The following ROR1 variants were observed in gnomAD, a reference collection of about 807,000 sequenced individuals.
ROR1 encodes ROR family WNT receptor 1.
Under a neutral mutation model 78.8 loss-of-function variants are expected in ROR1, and 19 were observed. The ratio of observed to expected loss-of-function variants is 0.24; its 90% CI spans 0.17 to 0.35. The LOEUF (loss-of-function observed/expected upper bound fraction) is 0.35, where lower values mean the gene tolerates loss of function less well. ROR1 is among the 10% of genes least tolerant of loss of function. ROR1 has a pLI of 1.00. For synonymous variants in ROR1, 386 were observed against 433.6 expected (o/e 0.89, Z 1.36); for missense variants, 917 against 1,177.8 (o/e 0.78, Z 3.24).
In ROR1 at chr1:63,823,445, C is replaced by CTTTT. The variant is rs11374055; in HGVS notation, c.91+48956_91+48959dup. Among the ~76,000 whole-genome samples, 45 of 106,144 alleles carry CTTTT rather than the reference C, an allele frequency of 4.2e-4. 1 individual carries two copies. The highest frequency in any genetic ancestry group is 7.2e-4 in the African/African-American group (19 of 26,532). The allele number at this position is 106,144 out of a possible 152,430, so 69.6% of individuals were successfully genotyped here. Reference sequence around the variant, plus strand: ...ATATTGCTGCTAACTACAGACATTACTTTTTTTTTTTTTTTTTTTTTTGAG... The same window carrying CTTTT: ...ATATTGCTGCTAACTACAGACATTACTTTTTTTTTTTTTTTTTTTTTTTTTTGAG... On this transcript the variant is annotated intron_variant, in intron 1 of 8. Coordinates refer to ENST00000371079, the MANE Select transcript of ROR1 (RefSeq NM_005012.4).
At chr1:64,051,267 T>C (rs964152888) in intron 4 of ROR1, among the ~76,000 whole-genome samples, 7 of 151,644 alleles carry the variant, frequency 4.6e-5, no homozygotes, top group Non-Finnish European at 1.0e-4. Context: ...CTGGCTAACA[T>C]GGTGAAACCC....
chr1:64,118,901 T>C (rs1221758209), intron 4 of ROR1, among the ~76,000 whole-genome samples: 1 of 152,158 alleles, frequency 6.6e-6, no homozygotes, highest in Non-Finnish European at 1.5e-5. Context: ...ATTTCATGTC[T>C]AGGTGACACG....
chr1:63,980,541 A>G (rs982311013), intron 1 of ROR1, among the ~76,000 whole-genome samples: 4 of 152,224 alleles, frequency 2.6e-5, no homozygotes, highest in African/African-American at 9.6e-5. Flanking sequence ...CTTTATACCT[A>G]TCATTAGCTA....
chr1:64,175,004 G>GT (rs565910998), intron 8 of ROR1, among the ~76,000 whole-genome samples: 3,262 of 138,812 alleles, frequency 0.023, 55 homozygotes, highest in Non-Finnish European at 0.035. Context: ...TTCGCCTATT[G>GT]TTTTTTTTTT....
At chr1:63,847,943 C>T (rs1452897423) in intron 1 of ROR1, among the ~76,000 whole-genome samples, 1 of 152,184 alleles carries the variant, frequency 6.6e-6, no homozygotes. Flanking sequence ...TAAGTGACAT[C>T]TCATCAAGAG....
intron 4 of ROR1, among the ~76,000 whole-genome samples, chr1:64,104,761 T>C (rs1331760550): frequency 6.6e-6 from 1 of 152,200 alleles, no homozygotes; most frequent in Non-Finnish European, 1.5e-5. Flanking sequence ...GGCTTCCAGC[T>C]TCATCCATGA....
At chr1:63,938,332 A>G (rs1645809728) in intron 1 of ROR1, among the ~76,000 whole-genome samples, 1 of 152,188 alleles carries the variant, frequency 6.6e-6, no homozygotes, top group African/African-American at 2.4e-5. Context: ...GCCATTTTAT[A>G]TCACGGTCTT....
chr1:63,955,945 G>A (rs1041207829), intron 1 of ROR1, among the ~76,000 whole-genome samples: 13 of 152,132 alleles, frequency 8.5e-5, no homozygotes, highest in African/African-American at 2.7e-4. Flanking sequence ...AGATGTGTCC[G>A]TTGAGTACTT....
intron 1 of ROR1, among the ~76,000 whole-genome samples, chr1:63,816,223 G>C (rs558836527): frequency 6.6e-6 from 1 of 152,294 alleles, no homozygotes; most frequent in Non-Finnish European, 1.5e-5. Context: ...GGATTCAGGA[G>C]TTGTGGTCTG....
chr1:64,002,269 G>A (rs1017517246), intron 1 of ROR1, among the ~76,000 whole-genome samples: 1 of 151,916 alleles, frequency 6.6e-6, no homozygotes, highest in Non-Finnish European at 1.5e-5. Flanking sequence ...GAGTAGCTGG[G>A]ATTACAGGCA....
chr1:64,146,700 T>C (rs1569852718), intron 7 of ROR1, among the ~76,000 whole-genome samples: 1 of 151,928 alleles, frequency 6.6e-6, no homozygotes, highest in East Asian at 1.9e-4. Context: ...CCTAAAGTAC[T>C]CGTTTTCATT....
At chr1:63,853,657 A>G (rs936463118) in intron 1 of ROR1, among the ~76,000 whole-genome samples, 6 of 152,332 alleles carry the variant, frequency 3.9e-5, no homozygotes, top group African/African-American at 1.4e-4. Flanking sequence ...TTCTTTCTTC[A>G]GCAAAATAGT....
At chr1:63,967,113 G>C (rs868845518) in intron 1 of ROR1, among the ~76,000 whole-genome samples, 1 of 152,180 alleles carries the variant, frequency 6.6e-6, no homozygotes, top group South Asian at 2.1e-4. Context: ...ATTACTGTAA[G>C]TAAAAGATTT....
intron 1 of ROR1, among the ~76,000 whole-genome samples, chr1:63,956,276 C>G (rs906568591): frequency 4.6e-5 from 7 of 152,170 alleles, no homozygotes; most frequent in African/African-American, 1.7e-4. Context: ...GGCTGGTCCT[C>G]CTCAGCTGAT....
At chr1:64,035,808 G>A (rs1220412625) in intron 2 of ROR1, among the ~76,000 whole-genome samples, 2 of 152,100 alleles carry the variant, frequency 1.3e-5, no homozygotes, top group Non-Finnish European at 2.9e-5. Flanking sequence ...CTTGGTTCTC[G>A]TTCCTCCCGA....
At chr1:63,926,564 A>ATGGGG (rs1290979991) in intron 1 of ROR1, among the ~76,000 whole-genome samples, 309 of 136,354 alleles carry the variant, frequency 2.3e-3, no homozygotes, top group African/African-American at 8.3e-3. Context: ...TGGTAGCTTG[A>ATGGGG]TGGGGATGGC....
chr1:64,107,123 A>G (rs1439073448), intron 4 of ROR1: 1 of 152,204 alleles, frequency 6.6e-6, no homozygotes, highest in African/African-American at 2.4e-5. Flanking sequence ...GGTACAATTT[A>G]TTATGTGTGT....
chr1:64,112,004 T>C (rs1479666391), intron 4 of ROR1: 1 of 152,196 alleles, frequency 6.6e-6, no homozygotes, highest in Non-Finnish European at 1.5e-5. Flanking sequence ...AGGCACATGA[T>C]GTGAGTCACA....
Position 64,146,031 on chromosome 1 carries a change from T to C in ROR1, c.1174+3381T>C, listed in dbSNP as rs142277872. ...AGAGGAAACCAAATGAACTGGTTTG[T>C]TTTGTTTCTTTGTTTTTTGAGACAG... On this transcript the variant is annotated intron_variant, in intron 7 of 8. Coordinates refer to ENST00000371079, the MANE Select transcript of ROR1 (RefSeq NM_005012.4). 1.3e-4 allele frequency among the ~76,000 whole-genome samples: 20 copies of C among 152,332 alleles called. No individual in the cohort carries two copies. In the East Asian group the frequency reaches 3.5e-3, roughly 26 times the overall value.
Sources: gnomAD v4.1 joint callset for allele counts (sites outside exome capture counted in the v4.1 genomes callset) on GRCh38, gnomAD v4.1.1 for gene constraint, MANE v1.5 for transcripts, NCBI Gene and HGNC (gene_info 2026-07-23, HGNC 2026-07-21) for gene names.